Variants in LRRC4C observed in about 807,000 individuals in gnomAD.
LRRC4C encodes leucine-rich repeat-containing protein 4C.
Under a neutral mutation model 33.6 loss-of-function variants are expected in LRRC4C, and 5 were observed. The observed-to-expected ratio is 0.15, with a 90% CI of 0.08 to 0.31. LRRC4C has a LOEUF of 0.31. Among genes scored for constraint, LRRC4C ranks in the 10% least tolerant of loss-of-function variants. The pLI is 1.00. For synonymous variants in LRRC4C, 329 were observed against 302.0 expected (o/e 1.09, Z -0.93); for missense variants, 560 against 796.7 (o/e 0.70, Z 3.58).
At chr11:41,102,194 A>G (rs1236757379) in intron 1 of LRRC4C, among the ~76,000 whole-genome samples, 1 of 151,902 alleles carries the variant, frequency 6.6e-6, no homozygotes, top group Non-Finnish European at 1.5e-5. Context: ...GGAATGAAGA[A>G]GAAACTTAAC....
At chr11:40,905,199 A>C (rs1435491617) in intron 2 of LRRC4C, among the ~76,000 whole-genome samples, 1 of 152,114 alleles carries the variant, frequency 6.6e-6, no homozygotes, top group Non-Finnish European at 1.5e-5. Context: ...ACCATATCTG[A>C]TGAAGTGTAG....
intron 1 of LRRC4C, among the ~76,000 whole-genome samples, chr11:41,431,649 G>A (rs61877337): frequency 0.19 from 29,032 of 151,310 alleles, 3,581 homozygotes; most frequent in African/African-American, 0.33. Flanking sequence ...GTGTGTGTGT[G>A]TGTACACGTA....
At chr11:40,127,229 T>C (rs767909731) in intron 6 of LRRC4C, among the ~76,000 whole-genome samples, 63 of 152,120 alleles carry the variant, frequency 4.1e-4, no homozygotes, top group South Asian at 1.2e-3. Flanking sequence ...TCAGCCAAGA[T>C]TGTGCCACTG....
At chr11:41,086,112 A>G (rs1939969774) in intron 1 of LRRC4C, among the ~76,000 whole-genome samples, 1 of 152,144 alleles carries the variant, frequency 6.6e-6, no homozygotes, top group South Asian at 2.1e-4. Flanking sequence ...CCATTAAAAC[A>G]GTAAAACACA....
At chr11:40,339,710 G>A (rs1946782330) in intron 3 of LRRC4C, among the ~76,000 whole-genome samples, 1 of 152,142 alleles carries the variant, frequency 6.6e-6, no homozygotes, top group Non-Finnish European at 1.5e-5. Context: ...TAAATCATAT[G>A]TTAATCATAA....
chr11:41,162,883 T>G (rs1944536143), intron 1 of LRRC4C, among the ~76,000 whole-genome samples: 1 of 152,160 alleles, frequency 6.6e-6, no homozygotes, highest in Admixed American at 6.5e-5. Context: ...ACATCATTTC[T>G]TCAAAAACAA....
chr11:41,262,047 T>C (rs951400809), intron 1 of LRRC4C, among the ~76,000 whole-genome samples: 2 of 152,064 alleles, frequency 1.3e-5, no homozygotes, highest in African/African-American at 4.8e-5. Flanking sequence ...CAGGATTCTA[T>C]TCTAAAATAA....
intron 3 of LRRC4C, among the ~76,000 whole-genome samples, chr11:40,460,123 A>T (rs1952323256): frequency 6.6e-6 from 1 of 152,048 alleles, no homozygotes; most frequent in Non-Finnish European, 1.5e-5. Context: ...CTTCAATCCT[A>T]CTTTCCTTCT....
At chr11:40,184,487 G>C (rs1233367850) in intron 5 of LRRC4C, among the ~76,000 whole-genome samples, 1 of 152,112 alleles carries the variant, frequency 6.6e-6, no homozygotes, top group African/African-American at 2.4e-5. Context: ...AGAGAAACCA[G>C]GCAAGAATAA....
intron 3 of LRRC4C, among the ~76,000 whole-genome samples, chr11:40,363,278 C>A (rs570986163): frequency 1.3e-5 from 2 of 152,160 alleles, no homozygotes; most frequent in East Asian, 3.9e-4. Context: ...GAACTGGAGG[C>A]CATTATCCTT....
At chr11:41,066,012 C>G (rs937710363) in intron 1 of LRRC4C, among the ~76,000 whole-genome samples, 1 of 152,146 alleles carries the variant, frequency 6.6e-6, no homozygotes, top group East Asian at 1.9e-4. Context: ...TTTCTCTCCT[C>G]CAAATGATCA....
At chr11:40,856,268 T>C (rs1045398463) in intron 2 of LRRC4C, among the ~76,000 whole-genome samples, 3 of 152,172 alleles carry the variant, frequency 2.0e-5, no homozygotes, top group Non-Finnish European at 2.9e-5. Flanking sequence ...TTTGGATACA[T>C]AGCTACATAA....
At chr11:40,349,439 A>G (rs1312264419) in intron 3 of LRRC4C, among the ~76,000 whole-genome samples, 3 of 151,860 alleles carry the variant, frequency 2.0e-5, no homozygotes, top group African/African-American at 7.3e-5. Flanking sequence ...TCTATTGTGT[A>G]TATGTACCAC....
At chr11:41,000,962 G>T (rs958791989) in intron 1 of LRRC4C, among the ~76,000 whole-genome samples, 1 of 152,084 alleles carries the variant, frequency 6.6e-6, no homozygotes, top group Admixed American at 6.6e-5. Flanking sequence ...TCTGTGCCAA[G>T]GACTGTGCTA....
At chr11:40,383,369 A>G (rs1439099676) in intron 3 of LRRC4C, among the ~76,000 whole-genome samples, 1 of 152,170 alleles carries the variant, frequency 6.6e-6, no homozygotes, top group Non-Finnish European at 1.5e-5. Context: ...CTTTGGGTAT[A>G]TACCCAGAAG....
intron 5 of LRRC4C, among the ~76,000 whole-genome samples, chr11:40,164,710 G>A (rs919267745): frequency 3.3e-5 from 5 of 152,126 alleles, no homozygotes; most frequent in South Asian, 2.1e-4. Context: ...GAAGGGGGTC[G>A]GGGACGATTC....
chr11:40,476,151 A>G (rs1326135555), intron 3 of LRRC4C, among the ~76,000 whole-genome samples: 1 of 152,050 alleles, frequency 6.6e-6, no homozygotes, highest in Non-Finnish European at 1.5e-5. Flanking sequence ...TGAAACCAAT[A>G]TTCTTTGTGT....
intron 1 of LRRC4C, among the ~76,000 whole-genome samples, chr11:41,451,507 T>C (rs919229964): frequency 2.0e-5 from 3 of 151,982 alleles, no homozygotes; most frequent in Non-Finnish European, 4.4e-5. Context: ...GCAGTGCTTA[T>C]AGTGATGGAA....
At chr11:40,467,634 T>C (rs1392704538) in intron 3 of LRRC4C, among the ~76,000 whole-genome samples, 1 of 152,180 alleles carries the variant, frequency 6.6e-6, no homozygotes, top group Non-Finnish European at 1.5e-5. Flanking sequence ...TGCAAAACTG[T>C]TCTTGAGCAG....
Sources: gnomAD v4.1 joint callset for allele counts (sites outside exome capture counted in the v4.1 genomes callset) on GRCh38, gnomAD v4.1.1 for gene constraint, MANE v1.5 for transcripts, NCBI Gene and HGNC (gene_info 2026-07-23, HGNC 2026-07-21) for gene names.